PRR16: variants seen among roughly 807,000 people sequenced by gnomAD.
PRR16 encodes protein Largen.
Under a neutral mutation model 18.2 loss-of-function variants are expected in PRR16, and 6 were observed. The observed-to-expected ratio is 0.33, with a 90% CI of 0.18 to 0.65. PRR16 has a LOEUF of 0.65. Ranked by LOEUF, PRR16 falls within the 30% of genes least tolerant of loss-of-function variation. The pLI is 0.74. For missense variants in PRR16, 412 were observed against 376.6 expected (o/e 1.09, Z -0.78); for synonymous variants, 151 against 147.8 (o/e 1.02, Z -0.16).
chr5:120,704,610 T>TATA, the PRR16 span, among the ~76,000 whole-genome samples: 3 of 152,174 alleles, frequency 2.0e-5, no homozygotes, highest in African/African-American at 7.2e-5. Context: ...ATATGAATCA[T>TATA]AATCCTCCCT....
intron 1 of PRR16, among the ~76,000 whole-genome samples, chr5:120,497,293 A>G (rs1750279614): frequency 6.7e-6 from 1 of 149,996 alleles, no homozygotes; most frequent in Admixed American, 6.6e-5. Flanking sequence ...TTGAGGAAGG[A>G]ATGTTGAACT....
At chr5:120,615,410 T>A (rs1032864267) in intron 1 of PRR16, among the ~76,000 whole-genome samples, 15 of 147,246 alleles carry the variant, frequency 1.0e-4, no homozygotes, top group African/African-American at 3.0e-4. Context: ...TTTGATAAAA[T>A]TTTTTTTTTG....
chr5:120,625,692 T>C (rs1274000263), intron 1 of PRR16, among the ~76,000 whole-genome samples: 2 of 152,160 alleles, frequency 1.3e-5, no homozygotes, highest in African/African-American at 4.8e-5. Flanking sequence ...TTGTGCCTGG[T>C]AGTATACCAT....
At chr5:120,673,024 A>C (rs1756668843) in intron 1 of PRR16, among the ~76,000 whole-genome samples, 1 of 152,210 alleles carries the variant, frequency 6.6e-6, no homozygotes, top group African/African-American at 2.4e-5. Context: ...TTAAAATCAC[A>C]AGATAGGTGA....
At chr5:120,502,452 GTCTTTGTTACT>G (rs1262667807) in intron 1 of PRR16, among the ~76,000 whole-genome samples, 1 of 151,370 alleles carries the variant, frequency 6.6e-6, no homozygotes, top group Non-Finnish European at 1.5e-5. Flanking sequence ...TTTTCTTACT[GTCTTTGTTACT>G]TCTCAGGCCA....
chr5:120,585,030 T>C (rs950433069), intron 1 of PRR16, among the ~76,000 whole-genome samples: 3 of 152,172 alleles, frequency 2.0e-5, no homozygotes, highest in African/African-American at 7.2e-5. Flanking sequence ...CTCTCGAAAG[T>C]ACTCTTTCAA....
intron 1 of PRR16, among the ~76,000 whole-genome samples, chr5:120,600,160 A>AT (rs937581680): frequency 1.5e-4 from 23 of 150,150 alleles, no homozygotes; most frequent in Admixed American, 4.7e-4. Flanking sequence ...TTTTTGTTTA[A>AT]TTTTTTTTTC....
At chr5:120,512,982 G>A (rs1225931477) in intron 1 of PRR16, among the ~76,000 whole-genome samples, 1 of 152,120 alleles carries the variant, frequency 6.6e-6, no homozygotes, top group Non-Finnish European at 1.5e-5. Context: ...CCTGAATCGG[G>A]GTGCCACCTT....
rs554872314 is a variant in PRR16 at position 120,490,825 on chromosome 5, G to A, written c.159+26180G>A. Reference sequence around the variant, plus strand: ...TTAGATGATGGTAACATACAGATGGGGTTTTGGTGTGGATGTCCTTTCTGT... The same window carrying A: ...TTAGATGATGGTAACATACAGATGGAGTTTTGGTGTGGATGTCCTTTCTGT... On this transcript the variant is annotated intron_variant, in intron 1 of 1. Transcript: ENST00000407149. Among the ~76,000 whole-genome samples the A allele has an allele frequency of 3.3e-5, 5 of 152,254 alleles. No individual in the cohort carries two copies. In the East Asian group the frequency reaches 9.6e-4, roughly 29 times the overall value.
intron 1 of PRR16, among the ~76,000 whole-genome samples, chr5:120,579,216 A>G (rs1753180154): frequency 2.0e-5 from 3 of 152,030 alleles, no homozygotes. Context: ...GTTCACTCTG[A>G]TGATAGTTTC....
chr5:120,519,250 G>A (rs1554080174), intron 1 of PRR16, among the ~76,000 whole-genome samples: 1 of 151,892 alleles, frequency 6.6e-6, no homozygotes, highest in Non-Finnish European at 1.5e-5. Flanking sequence ...TCATTATTTA[G>A]TAATGAATAA....
intron 1 of PRR16, among the ~76,000 whole-genome samples, chr5:120,547,018 G>C (rs1404304): frequency 0.2 from 30,775 of 151,974 alleles, 3,261 homozygotes; most frequent in Non-Finnish European, 0.22. Context: ...GTTGCTGGAA[G>C]TATAAAAGGT....
intron 1 of PRR16, among the ~76,000 whole-genome samples, chr5:120,542,350 T>A (rs992377349): frequency 2.6e-5 from 4 of 152,190 alleles, no homozygotes; most frequent in African/African-American, 9.7e-5. Context: ...TATTTTGGAA[T>A]GATTTTAGAT....
At chr5:120,735,549 T>C in the PRR16 span, among the ~76,000 whole-genome samples, 4 of 152,124 alleles carry the variant, frequency 2.6e-5, no homozygotes, top group Non-Finnish European at 5.9e-5. Context: ...GGTTTTGATT[T>C]CCTTTTCTTT....
At chr5:120,572,104 G>T (rs1056201652) in intron 1 of PRR16, among the ~76,000 whole-genome samples, 1 of 152,098 alleles carries the variant, frequency 6.6e-6, no homozygotes, top group Admixed American at 6.6e-5. Flanking sequence ...CTAGAAACTG[G>T]CATATTCTTT....
At chr5:120,468,888 CA>C (rs1749183592) in intron 1 of PRR16, among the ~76,000 whole-genome samples, 1 of 152,160 alleles carries the variant, frequency 6.6e-6, no homozygotes, top group Non-Finnish European at 1.5e-5. Context: ...AGTTGAAAAA[CA>C]TATGTAAATA....
intron 1 of PRR16, among the ~76,000 whole-genome samples, chr5:120,652,692 T>C (rs1184633481): frequency 6.6e-6 from 1 of 151,856 alleles, no homozygotes; most frequent in African/African-American, 2.4e-5. Flanking sequence ...ATCTGAGAAA[T>C]TGAGAGAGCC....
intron 1 of PRR16, among the ~76,000 whole-genome samples, chr5:120,513,512 T>C (rs1015371495): frequency 2.0e-5 from 3 of 152,176 alleles, no homozygotes; most frequent in Non-Finnish European, 4.4e-5. Context: ...TCAAGACTCA[T>C]GGCCTTCACA....
intron 1 of PRR16, among the ~76,000 whole-genome samples, chr5:120,642,470 C>T (rs565756927): frequency 6.6e-6 from 1 of 152,040 alleles, no homozygotes; most frequent in Admixed American, 6.6e-5. Context: ...CTCAGTGCAT[C>T]TGCAGGGAAG....
Sources: allele counts gnomAD v4.1 joint callset (sites outside exome capture counted in the v4.1 genomes callset), GRCh38; gene constraint gnomAD v4.1.1; transcripts MANE v1.5; gene names NCBI Gene and HGNC (gene_info 2026-07-23, HGNC 2026-07-21).